Variants in STK32C observed in about 807,000 individuals in gnomAD.
The protein encoded by STK32C is serine/threonine-protein kinase 32C.
STK32C carries 31 observed loss-of-function variants against 56.5 expected under a neutral mutation model. The ratio of observed to expected loss-of-function variants is 0.55; its 90% confidence interval spans 0.41 to 0.74. The LOEUF is 0.74. Among genes scored for constraint, STK32C ranks in the 30% least tolerant of loss-of-function variants. The pLI is 0.00. For synonymous variants in STK32C, 309 were observed against 289.4 expected (o/e 1.07, Z -0.69); for missense variants, 544 against 676.9 (o/e 0.80, Z 2.18).
At chr10:132,300,267 A>C (rs971522102) in intron 1 of STK32C, among the ~76,000 whole-genome samples, 1 of 152,156 alleles carries the variant, frequency 6.6e-6, no homozygotes, top group Non-Finnish European at 1.5e-5. Context: ...GGCGACACTG[A>C]CTCCCACCTA....
intron 1 of STK32C, among the ~76,000 whole-genome samples, chr10:132,324,748 C>G (rs1381671292): frequency 6.6e-6 from 1 of 152,156 alleles, no homozygotes; most frequent in Non-Finnish European, 1.5e-5. Flanking sequence ...CTCAAGAGAT[C>G]CTGAGATGTG....
At chr10:132,234,872 C>T (rs905136066) in intron 2 of STK32C, among the ~76,000 whole-genome samples, 6 of 152,236 alleles carry the variant, frequency 3.9e-5, no homozygotes, top group Non-Finnish European at 5.9e-5. Context: ...GTATGCCCAC[C>T]GGGGCAGGTG....
intron 7 of STK32C, among the ~76,000 whole-genome samples, chr10:132,224,772 G>C (rs2062821593): frequency 6.6e-6 from 1 of 152,118 alleles, no homozygotes; most frequent in East Asian, 1.9e-4. Flanking sequence ...GGTCCAGGTA[G>C]ATCAGCCCCA....
upstream of STK32C, among the ~76,000 whole-genome samples, chr10:132,309,982 A>C (rs2066188932): frequency 6.6e-6 from 1 of 152,222 alleles, no homozygotes; most frequent in Non-Finnish European, 1.5e-5. Flanking sequence ...GAGGACCTGC[A>C]GGTAACCAGG....
At chr10:132,221,836 C>T (rs1160107613) in intron 10 of STK32C, among the ~76,000 whole-genome samples, 2 of 130,612 alleles carry the variant, frequency 1.5e-5, no homozygotes, top group African/African-American at 3.0e-5. Context: ...CATCAACGCA[C>T]CTGGGTGAGT....
At chr10:132,265,371 T>G (rs2064482449) in intron 1 of STK32C, among the ~76,000 whole-genome samples, 1 of 152,142 alleles carries the variant, frequency 6.6e-6, no homozygotes, top group Non-Finnish European at 1.5e-5. Context: ...GCCTGGCCCA[T>G]CACAGCGAGG....
intron 10 of STK32C, among the ~76,000 whole-genome samples, chr10:132,210,731 T>TTC (rs1207292761): frequency 1.3e-5 from 2 of 152,230 alleles, no homozygotes. Context: ...CTTGCGCCTC[T>TTC]TCCCACGAGG....
At chr10:132,282,441 ACCTGCACCCACCTGTG>A (rs1427934691) in intron 1 of STK32C, among the ~76,000 whole-genome samples, 1 of 139,792 alleles carries the variant, frequency 7.2e-6, no homozygotes, top group African/African-American at 2.7e-5. Context: ...GCCCACCTGT[ACCTGCACCCACCTGTG>A]CCTGCGCCCA....
chr10:132,208,164 G>T lies in STK32C; in HGVS notation c.1320-13C>A. On this transcript the variant is annotated splice_polypyrimidine_tract_variant and intron_variant, in intron 11 of 11. Coordinates refer to ENST00000298630, the MANE Select transcript of STK32C (RefSeq NM_173575.4). ...GCTCCTCTTCAGCCTGGGGTGGCAG[G>T]AACACATGGAGGGCGTTATGCCCCC... 7.6e-7 allele frequency: 1 copy of T among 1,309,212 alleles called. No individual in the cohort carries two copies. The highest frequency in any genetic ancestry group is 9.8e-7 in the Non-Finnish European group (1 of 1,020,804). 81.1% of individuals were successfully genotyped at this position (1,309,212 alleles called of 1,614,324 possible).
chr10:132,234,259 C>T (rs1375486412), intron 2 of STK32C, among the ~76,000 whole-genome samples: 1 of 152,200 alleles, frequency 6.6e-6, no homozygotes, highest in East Asian at 1.9e-4. Flanking sequence ...AGCTTGACAG[C>T]CGCTTCCAAG....
chr10:132,272,004 C>T (rs2064842047), intron 1 of STK32C, among the ~76,000 whole-genome samples: 1 of 152,228 alleles, frequency 6.6e-6, no homozygotes. Flanking sequence ...TAGCTTCTCT[C>T]CAGCTCAGCT....
chr10:132,271,979 C>T (rs1184833370), intron 1 of STK32C, among the ~76,000 whole-genome samples: 1 of 152,212 alleles, frequency 6.6e-6, no homozygotes, highest in Non-Finnish European at 1.5e-5. Flanking sequence ...AAGGCCCCTA[C>T]CCTGAATGCA....
intron 7 of STK32C, 44 bp downstream of exon 7, chr10:132,225,189 C>T: frequency 6.6e-7 from 1 of 1,508,172 alleles, no homozygotes; most frequent in South Asian, 1.3e-5. Flanking sequence ...GGGCAGAGAG[C>T]AGGGGCCTGG....
intron 1 of STK32C, among the ~76,000 whole-genome samples, chr10:132,260,038 C>T (rs1027411150): frequency 4.0e-5 from 6 of 151,668 alleles, no homozygotes; most frequent in African/African-American, 1.5e-4. Context: ...GCACACATGC[C>T]ACAAATGCAC....
At chr10:132,271,063 T>C (rs78907279) in intron 1 of STK32C, among the ~76,000 whole-genome samples, 13,494 of 151,932 alleles carry the variant, frequency 0.089, 795 homozygotes, top group African/African-American at 0.17. Flanking sequence ...GCAAGGAGGG[T>C]GGCACCCCCA....
chr10:132,305,917 G>A (rs2066045073), intron 1 of STK32C, among the ~76,000 whole-genome samples: 1 of 152,320 alleles, frequency 6.6e-6, no homozygotes, highest in South Asian at 2.1e-4. Flanking sequence ...GCCATACGGA[G>A]CCAGCAGCAT....
At chr10:132,233,576 G>A (rs1565089372) in intron 2 of STK32C, among the ~76,000 whole-genome samples, 1 of 152,226 alleles carries the variant, frequency 6.6e-6, no homozygotes, top group Non-Finnish European at 1.5e-5. Flanking sequence ...AGCTCACCAA[G>A]GGGCCTGGGT....
chr10:132,223,088 G>A (rs2062742198), intron 8 of STK32C, 102 bp from the exon 9 acceptor site: 6 of 1,438,086 alleles, frequency 4.2e-6, no homozygotes, highest in Non-Finnish European at 4.6e-6. Flanking sequence ...GTCCCACCAA[G>A]CCTGAGGTTC....
At chr10:132,310,049 C>T (rs371604911), upstream of STK32C, among the ~76,000 whole-genome samples, 197 of 152,306 alleles carry the variant, frequency 1.3e-3, 1 homozygote, top group African/African-American at 4.4e-3. The surrounding 1 kb of genome is among the most constrained non-coding windows in gnomAD (Gnocchi z 4.6). Context: ...CTCCCCGGCC[C>T]GGGCAGTTGG....
Sources: allele counts gnomAD v4.1 joint callset (sites outside exome capture counted in the v4.1 genomes callset), GRCh38; gene constraint gnomAD v4.1.1; non-coding constraint Gnocchi (gnomAD v3.1); transcripts MANE v1.5; gene names NCBI Gene and HGNC (gene_info 2026-07-23, HGNC 2026-07-21).